INVS: variants seen among roughly 807,000 people sequenced by gnomAD.
INVS encodes inversin.
Under a neutral mutation model 108.8 loss-of-function variants are expected in INVS, and 86 were observed. That is an observed-to-expected ratio of 0.79 (90% CI 0.66 to 0.95). The LOEUF (loss-of-function observed/expected upper bound fraction) is 0.95. Ranked by LOEUF, INVS falls within the 40% of genes least tolerant of loss-of-function variation. The probability of loss-of-function intolerance (pLI) is 0.00; values close to 1 mark genes in which losing one functional copy is unlikely to be tolerated. For synonymous variants in INVS, 455 were observed against 473.5 expected, an observed-to-expected ratio of 0.96 and a Z score of 0.51; for missense variants, 1,169 against 1,297.4, an observed-to-expected ratio of 0.90 and a Z score of 1.52.
At chr9:100,100,761 A>G (rs1554712476) in intron 1 of INVS, among the ~76,000 whole-genome samples, 1 of 39,796 alleles carries the variant, frequency 2.5e-5, no homozygotes, top group Non-Finnish European at 4.1e-5. Context: ...TATAATATAT[A>G]TAATATATGT....
intron 3 of INVS, among the ~76,000 whole-genome samples, chr9:100,135,073 GGT>G (rs1828179580): frequency 1.3e-5 from 2 of 152,184 alleles, no homozygotes; most frequent in East Asian, 1.9e-4. Flanking sequence ...GTTCTGGATC[GGT>G]GTGTGTGTTG....
intron 3 of INVS, among the ~76,000 whole-genome samples, chr9:100,171,317 A>G (rs1418739763): frequency 6.6e-6 from 1 of 152,186 alleles, no homozygotes; most frequent in Non-Finnish European, 1.5e-5. Flanking sequence ...AGTATTCAAT[A>G]TAGTAATATA....
At chr9:100,225,229 T>C (rs1831278587) in intron 3 of INVS, among the ~76,000 whole-genome samples, 1 of 151,432 alleles carries the variant, frequency 6.6e-6, no homozygotes, top group South Asian at 2.1e-4. Flanking sequence ...GGCTAATTTT[T>C]CGTAGAGATG....
At position 100,142,574 on chromosome 9, in the gene INVS, T is replaced by C. The variant is rs562300672; in HGVS notation, c.273+16025T>C. On this transcript the variant is annotated intron_variant, in intron 3 of 16. Transcript: ENST00000262457. Reference sequence around the variant, plus strand: ...ATCCAGAATAATGTGGGAGGCCGGGTTGAAGTCCGTGCCAGGAACAATGGT... The same window carrying C: ...ATCCAGAATAATGTGGGAGGCCGGGCTGAAGTCCGTGCCAGGAACAATGGT... Among the ~76,000 whole-genome samples the C allele has an allele frequency of 4.0e-5, 6 of 151,792 alleles. No homozygotes were observed. In the East Asian group the frequency reaches 9.7e-4, roughly 25 times the overall value.
intron 3 of INVS, among the ~76,000 whole-genome samples, chr9:100,133,023 T>C (rs1828099131): frequency 6.6e-6 from 1 of 152,166 alleles, no homozygotes. Flanking sequence ...GAGAATCGCT[T>C]GAACCTGGGA....
intron 16 of INVS, among the ~76,000 whole-genome samples, chr9:100,299,173 G>A (rs971147206): frequency 1.3e-5 from 2 of 152,104 alleles, no homozygotes; most frequent in East Asian, 3.9e-4. Flanking sequence ...ATATGAACAA[G>A]CAACTTACTT....
intron 13 of INVS, among the ~76,000 whole-genome samples, chr9:100,289,356 C>T (rs945059019): frequency 7.2e-5 from 11 of 152,244 alleles, no homozygotes; most frequent in African/African-American, 2.7e-4. Flanking sequence ...GCTCACCAAC[C>T]AGTCCAAAGT....
chr9:100,111,959 A>G (rs1270003125), intron 2 of INVS, among the ~76,000 whole-genome samples: 1 of 152,054 alleles, frequency 6.6e-6, no homozygotes, highest in Non-Finnish European at 1.5e-5. Context: ...GCTTTTTCTA[A>G]TCATTTAGGG....
chr9:100,151,565 C>T (rs953728094), intron 3 of INVS, among the ~76,000 whole-genome samples: 2 of 152,076 alleles, frequency 1.3e-5, no homozygotes, highest in Admixed American at 6.6e-5. Context: ...AGAATGGTGG[C>T]CTGATCCTGT....
rs138512862 is a variant in INVS, at chr9:100,244,296, A to G, written c.906+1617A>G. ...TCTTATTACAAATAGATAGGAAATT[A>G]ACCTGACCGAGTCTAGTCAATCTAT... On this transcript the variant is annotated intron_variant, in intron 7 of 16. Transcript: ENST00000262457. Among the ~76,000 whole-genome samples the G allele has an allele frequency of 2.3e-4, 35 of 152,284 alleles. No homozygotes were observed. The East Asian group carries it at 5.6e-3, about 24-fold the overall frequency.
chr9:100,215,255 C>T (rs1055367989), intron 3 of INVS: 3 of 152,142 alleles, frequency 2.0e-5, no homozygotes, highest in Non-Finnish European at 4.4e-5. Context: ...GGCTGCCACC[C>T]AAGGGATATA....
At chr9:100,197,145 C>T (rs1037471172) in intron 3 of INVS, among the ~76,000 whole-genome samples, 1 of 152,192 alleles carries the variant, frequency 6.6e-6, no homozygotes, top group Non-Finnish European at 1.5e-5. Context: ...ACCAAACCAG[C>T]TTCAAGTTGG....
At position 100,292,626 on chromosome 9, in the gene INVS, C is replaced by A. The variant is rs145570263; in HGVS notation, c.2369C>A (p.Pro790His). 1.2e-6 allele frequency: 2 copies of A among 1,614,074 alleles called. No individual in the cohort carries two copies. Among genetic ancestry groups the A allele is most frequent in the African/African-American group, 2.7e-5 (2 of 74,920 alleles). ...ACAGAACCCAAGGCCAAATGTGCCC[C>A]CCAGAAAAGGCGCACTCAAGAGCTC... ...HDTEPKAKCAPQKRRTQELRG... is the reference protein window; with the variant it reads ...HDTEPKAKCAHQKRRTQELRG... The change falls in exon 14 of 17, where the codon CCC becomes CAC. Residue 790 changes from proline to histidine, a missense_variant. By Grantham distance (77) the Pro-to-His change is moderately conservative (BLOSUM62 -2). Transcript: ENST00000262457.
chr9:100,299,806 T>A (rs1002543447), intron 16 of INVS, among the ~76,000 whole-genome samples: 7 of 152,196 alleles, frequency 4.6e-5, no homozygotes. Context: ...CTTGCTCACC[T>A]GCAGAGGGGT....
chr9:100,146,521 C>T (rs572685153), intron 3 of INVS, among the ~76,000 whole-genome samples: 1 of 152,314 alleles, frequency 6.6e-6, no homozygotes, highest in Non-Finnish European at 1.5e-5. Context: ...AGAGGCCTGA[C>T]ACTTTGTGTC....
intron 3 of INVS, among the ~76,000 whole-genome samples, chr9:100,158,895 T>C (rs1012496087): frequency 1.4e-4 from 22 of 151,770 alleles, no homozygotes; most frequent in African/African-American, 4.4e-4. Flanking sequence ...TGATAGCTGG[T>C]TGTTTAGAAG....
chr9:100,179,952 G>A (rs1463249860), intron 3 of INVS, among the ~76,000 whole-genome samples: 1 of 152,162 alleles, frequency 6.6e-6, no homozygotes, highest in Non-Finnish European at 1.5e-5. Flanking sequence ...TCAGACCACA[G>A]TGCAATCAAA....
chr9:100,236,675 A>G (rs1379302775), intron 5 of INVS, among the ~76,000 whole-genome samples: 1 of 152,284 alleles, frequency 6.6e-6, no homozygotes, highest in Non-Finnish European at 1.5e-5. Flanking sequence ...TTGCGTGGGT[A>G]TCACCAGCAG....
intron 16 of INVS, among the ~76,000 whole-genome samples, chr9:100,299,554 CAA>C (rs1491341735): frequency 3.1e-5 from 2 of 64,708 alleles, no homozygotes; most frequent in Non-Finnish European, 5.6e-5. Flanking sequence ...TATTGACACA[CAA>C]CACACACACA....
Sources: allele counts gnomAD v4.1 joint callset (sites outside exome capture counted in the v4.1 genomes callset), GRCh38; gene constraint gnomAD v4.1.1; transcripts MANE v1.5; gene names NCBI Gene and HGNC (gene_info 2026-07-23, HGNC 2026-07-21).